THSD7B: variants seen among roughly 807,000 people sequenced by gnomAD.
THSD7B encodes the protein thrombospondin type 1 domain containing 7B.
In THSD7B, 138 loss-of-function variants were observed where a neutral mutation model predicts 213.6. That is an observed-to-expected ratio of 0.65 (90% CI 0.56 to 0.74). THSD7B has a LOEUF of 0.74. Ranked by LOEUF, THSD7B falls within the 30% of genes least tolerant of loss-of-function variation. The pLI, the probability that THSD7B is intolerant of heterozygous loss-of-function variation, is 0.00. For synonymous variants in THSD7B, 742 were observed against 687.0 expected, an observed-to-expected ratio of 1.08 and a Z score of -1.25; for missense variants, 1,931 against 1,991.5, an observed-to-expected ratio of 0.97 and a Z score of 0.58.
At chr2:137,576,476 C>G (rs939561286) in intron 17 of THSD7B, among the ~76,000 whole-genome samples, 1 of 151,968 alleles carries the variant, frequency 6.6e-6, no homozygotes. Flanking sequence ...AAAAAGTGAC[C>G]AAAATCTTTG....
chr2:137,162,932 G>A (rs965895812), intron 6 of THSD7B, among the ~76,000 whole-genome samples: 10 of 152,110 alleles, frequency 6.6e-5, no homozygotes, highest in African/African-American at 2.2e-4. Context: ...ATTAATTTTT[G>A]TGTTTTTAGT....
intron 2 of THSD7B, among the ~76,000 whole-genome samples, chr2:136,982,591 C>T (rs1282265934): frequency 1.3e-5 from 2 of 152,132 alleles, no homozygotes; most frequent in African/African-American, 4.8e-5. Context: ...TTTAAAGCCT[C>T]GTGAGTAAAA....
intron 15 of THSD7B, among the ~76,000 whole-genome samples, chr2:137,522,769 C>A (rs1203670829): frequency 6.6e-6 from 1 of 152,184 alleles, no homozygotes; most frequent in Non-Finnish European, 1.5e-5. Flanking sequence ...CTCAGCAGAG[C>A]AGAACAGGGC....
At chr2:137,595,843 A>C (rs925126179) in intron 17 of THSD7B, among the ~76,000 whole-genome samples, 34 of 151,948 alleles carry the variant, frequency 2.2e-4, no homozygotes, top group African/African-American at 8.2e-4. Context: ...CTTCAAGTGA[A>C]GGTTATAACT....
chr2:136,952,226 A>G (rs1015365482), intron 2 of THSD7B, among the ~76,000 whole-genome samples: 2 of 152,084 alleles, frequency 1.3e-5, no homozygotes, highest in Non-Finnish European at 2.9e-5. Context: ...CCCCCAAAAA[A>G]GCACATATAT....
chr2:137,260,804 T>C (rs948314569), intron 10 of THSD7B, among the ~76,000 whole-genome samples: 2 of 152,144 alleles, frequency 1.3e-5, no homozygotes, highest in African/African-American at 4.8e-5. Context: ...GCAGAGGTTC[T>C]CTAGACATGC....
intron 1 of THSD7B, among the ~76,000 whole-genome samples, chr2:136,805,035 A>G (rs1682257787): frequency 6.6e-6 from 1 of 152,216 alleles, no homozygotes; most frequent in African/African-American, 2.4e-5. Context: ...AGGCTGTTAT[A>G]CTGAGCTAAA....
chr2:137,210,658 A>G (rs531816807), intron 7 of THSD7B, among the ~76,000 whole-genome samples: 41 of 152,156 alleles, frequency 2.7e-4, no homozygotes, highest in Non-Finnish European at 4.4e-4. Context: ...GATGTATAGT[A>G]ATACATTTAA....
At chr2:137,528,113 G>A (rs1322647582) in intron 15 of THSD7B, among the ~76,000 whole-genome samples, 1 of 152,010 alleles carries the variant, frequency 6.6e-6, no homozygotes, top group East Asian at 1.9e-4. Context: ...TCAAATTGAT[G>A]TTCAATTTTG....
chr2:137,626,788 C>T (rs1682640012), intron 20 of THSD7B, among the ~76,000 whole-genome samples: 1 of 152,158 alleles, frequency 6.6e-6, no homozygotes, highest in African/African-American at 2.4e-5. Flanking sequence ...CTATATTCCA[C>T]AAAGCTGTAG....
intron 15 of THSD7B, among the ~76,000 whole-genome samples, chr2:137,464,041 G>A (rs888267471): frequency 6.6e-6 from 1 of 152,040 alleles, no homozygotes; most frequent in Admixed American, 6.6e-5. Context: ...CTATGGTTAG[G>A]AGGTTTAGAC....
At chr2:137,646,545 G>C (rs1009648170) in intron 21 of THSD7B, among the ~76,000 whole-genome samples, 1 of 148,858 alleles carries the variant, frequency 6.7e-6, no homozygotes, top group Admixed American at 6.7e-5. Flanking sequence ...TCAGCTACTC[G>C]TGAGGCTGAG....
At chr2:137,125,912 G>A (rs1424704053) in intron 5 of THSD7B, among the ~76,000 whole-genome samples, 1 of 152,128 alleles carries the variant, frequency 6.6e-6, no homozygotes, top group East Asian at 1.9e-4. Flanking sequence ...GGCTTTTGGG[G>A]CATCAGGTGC....
intron 1 of THSD7B, among the ~76,000 whole-genome samples, chr2:136,794,438 A>AT (rs1001193787): frequency 4.0e-5 from 6 of 151,320 alleles, no homozygotes; most frequent in South Asian, 4.2e-4. Flanking sequence ...TTGTAATTTC[A>AT]TTTTTTTTCC....
Position 137,405,782 on chromosome 2 carries a change from A to G in THSD7B, c.2670A>G (p.Thr890=), listed in dbSNP as rs758919624. The G allele has an allele frequency of 1.3e-5, 21 of 1,612,808 alleles. No individual in the cohort carries two copies. The South Asian group carries it at 2.3e-4, about 18-fold the overall frequency. Residue 890 remains threonine, a synonymous_variant, in exon 13 of 28, where the codon ACA becomes ACG. Coordinates refer to ENST00000409968, the MANE Select transcript of THSD7B (RefSeq NM_001316349.2). ...FTPCSTNCEA[T]KSRRRQLTGK... is the part of the protein sequence containing the mutation. ...CCTGCTCCACGAACTGTGAAGCCAC[A>G]AAAAGTAGGCGGCGACAGCTCACAG...
At position 137,182,245 on chromosome 2, in the gene THSD7B, G is replaced by A. The variant is rs978526002; in HGVS notation, c.1723+11307G>A. Among the ~76,000 whole-genome samples the A allele has an allele frequency of 7.2e-5, 11 of 152,320 alleles. 1 individual carries two copies. The highest frequency in any genetic ancestry group is 5.9e-4 in the Admixed American group (9 of 15,296). On this transcript the variant is annotated intron_variant, in intron 7 of 27. Transcript: ENST00000409968. ...CTGTGCTTTAGGAACTTGGCAGGGA[G>A]CACAGTCACAAAATCATTTCCATGC...
chr2:137,039,057 G>T (rs1686829816), intron 2 of THSD7B, among the ~76,000 whole-genome samples: 1 of 152,174 alleles, frequency 6.6e-6, no homozygotes, highest in Non-Finnish European at 1.5e-5. Context: ...ACAGAGGATG[G>T]GTAAAGCACA....
At chr2:137,340,254 G>C (rs1401426858) in intron 12 of THSD7B, among the ~76,000 whole-genome samples, 1 of 151,710 alleles carries the variant, frequency 6.6e-6, no homozygotes, top group Non-Finnish European at 1.5e-5. Context: ...CTAAGTTTCA[G>C]ATGAAATATA....
rs371475494 is a variant in THSD7B at position 137,116,844 on chromosome 2, A to C, written c.1369+1551A>C. ...AAGGGGTGTTAATTGCAGAGTGAGC[A>C]ATCTATCAAGCCCGAGTACAATCTA... On this transcript the variant is annotated intron_variant, in intron 5 of 27. Transcript: ENST00000409968. Among the ~76,000 whole-genome samples, 77 of 152,280 alleles carry C rather than the reference A, an allele frequency of 5.1e-4. 2 individuals carry two copies. In the South Asian group the frequency reaches 0.014, roughly 27 times the overall value.
Sources: allele counts gnomAD v4.1 joint callset (sites outside exome capture counted in the v4.1 genomes callset), GRCh38; gene constraint gnomAD v4.1.1; transcripts MANE v1.5; gene names NCBI Gene and HGNC (gene_info 2026-07-23, HGNC 2026-07-21).